The following ESYT2 variants were observed in gnomAD, a reference collection of about 807,000 sequenced individuals.
ESYT2 encodes the protein extended synaptotagmin 2.
A neutral mutation model predicts 107.2 loss-of-function variants in ESYT2; 54 were observed. The ratio of observed to expected loss-of-function variants is 0.50; its 90% CI spans 0.40 to 0.63. The LOEUF is 0.63. Among genes scored for constraint, ESYT2 ranks in the 30% least tolerant of loss-of-function variants. The pLI, the probability that ESYT2 is intolerant of heterozygous loss-of-function variation, is 0.00. For synonymous variants in ESYT2, 491 were observed against 434.1 expected (o/e 1.13, Z -1.63); for missense variants, 1,020 against 1,094.5 (o/e 0.93, Z 0.96).
rs1836902490 is a variant in ESYT2 at position 158,735,521 on chromosome 7, G to A, written c.2487C>T (p.Asp829=). The change falls in exon 21 of 23, where the codon GAC becomes GAT. Residue 829 remains aspartate (D), a synonymous_variant. Coordinates refer to ENST00000275418, the MANE Select transcript of ESYT2 (RefSeq NM_001367773.1). ...VKNSGGFLSK[D]KGLLGKVLVA... ...CACTTACTTTGCCAAGGAGCCCTTT[G>A]TCTTTGGACAGGAAGCCGCCACTGT... The A allele has an allele frequency of 6.2e-7, 1 of 1,613,968 alleles. No individual in the cohort carries two copies. Among genetic ancestry groups the A allele is most frequent in the African/African-American group, 1.3e-5 (1 of 74,936 alleles).
intron 1 of ESYT2, among the ~76,000 whole-genome samples, chr7:158,804,487 G>A (rs1839759872): frequency 6.7e-6 from 1 of 148,874 alleles, no homozygotes; most frequent in Admixed American, 6.7e-5. Context: ...AGAAGGGTGA[G>A]GCGCGTGACA....
intron 3 of ESYT2, among the ~76,000 whole-genome samples, chr7:158,796,358 T>C (rs7790873): frequency 0.13 from 19,400 of 152,244 alleles, 1,394 homozygotes; most frequent in African/African-American, 0.2. Flanking sequence ...TTCCTTTTTA[T>C]ATAATGTGAC....
At chr7:158,737,272 A>ATGTT in intron 19 of ESYT2, 93 bp from the exon 20 acceptor site, 1 of 1,459,778 alleles carries the variant, frequency 6.9e-7, no homozygotes, top group Non-Finnish European at 9.2e-7. Flanking sequence ...CTTTGATTTC[A>ATGTT]TGTTTATCTA....
intron 3 of ESYT2, among the ~76,000 whole-genome samples, chr7:158,796,192 C>A (rs1839452890): frequency 6.6e-6 from 1 of 152,224 alleles, no homozygotes; most frequent in Non-Finnish European, 1.5e-5. Flanking sequence ...TTTACAAGAA[C>A]TATCACGTTC....
intron 1 of ESYT2, among the ~76,000 whole-genome samples, chr7:158,803,463 A>G (rs1374625188): frequency 1.3e-5 from 2 of 152,226 alleles, no homozygotes; most frequent in East Asian, 3.8e-4. Context: ...ACACACCCTT[A>G]CTTGGAAGCA....
At chr7:158,744,558 C>T (rs907518315) in intron 16 of ESYT2, among the ~76,000 whole-genome samples, 1 of 152,176 alleles carries the variant, frequency 6.6e-6, no homozygotes, top group Non-Finnish European at 1.5e-5. Context: ...AGAGGTGGAT[C>T]TCACTATGTT....
chr7:158,763,801 G>A (rs1838060142), intron 9 of ESYT2, among the ~76,000 whole-genome samples: 1 of 152,118 alleles, frequency 6.6e-6, no homozygotes, highest in South Asian at 2.1e-4. Context: ...GCATGAGACA[G>A]ACCAAAGATC....
chr7:158,762,676 A>G (rs953123037), intron 10 of ESYT2, among the ~76,000 whole-genome samples: 1 of 152,246 alleles, frequency 6.6e-6, no homozygotes, highest in Non-Finnish European at 1.5e-5. Context: ...TATCCTGACA[A>G]AAATTAATCC....
At chr7:158,820,073 C>A (rs377580060) in intron 1 of ESYT2, among the ~76,000 whole-genome samples, 1 of 152,184 alleles carries the variant, frequency 6.6e-6, no homozygotes, top group African/African-American at 2.4e-5. Context: ...CTAGACACTG[C>A]CGTAATCCAT....
intron 11 of ESYT2, among the ~76,000 whole-genome samples, chr7:158,760,499 G>A (rs2129472103): frequency 6.6e-6 from 1 of 152,168 alleles, no homozygotes; most frequent in African/African-American, 2.4e-5. Context: ...AGTCTTCTAT[G>A]AATAGACTTC....
intron 7 of ESYT2, among the ~76,000 whole-genome samples, chr7:158,771,904 A>C (rs1290741365): frequency 6.6e-6 from 1 of 152,140 alleles, no homozygotes; most frequent in Non-Finnish European, 1.5e-5. Context: ...AGATCACCTG[A>C]GCTCAGGAGT....
chr7:158,798,150 C>T, intron 2 of ESYT2, 74 bp from the exon 3 acceptor site: 2 of 1,525,700 alleles, frequency 1.3e-6, no homozygotes, highest in Non-Finnish European at 1.8e-6. Flanking sequence ...TCGTGAGAAA[C>T]CCTCGCAACA....
At chr7:158,810,717 A>G (rs1191720014) in intron 1 of ESYT2, among the ~76,000 whole-genome samples, 1 of 151,912 alleles carries the variant, frequency 6.6e-6, no homozygotes, top group Non-Finnish European at 1.5e-5. Flanking sequence ...TAAAGACTAC[A>G]TGTTATAATA....
At chr7:158,760,894 C>G (rs1345739876) in intron 11 of ESYT2, among the ~76,000 whole-genome samples, 1 of 152,212 alleles carries the variant, frequency 6.6e-6, no homozygotes, top group Non-Finnish European at 1.5e-5. Flanking sequence ...GCTGAACACT[C>G]AAGGGAAGGA....
chr7:158,741,393 A>G (rs1368659985), intron 18 of ESYT2, 130 bp downstream of exon 18: 1 of 1,350,206 alleles, frequency 7.4e-7, no homozygotes, highest in Non-Finnish European at 9.9e-7. Flanking sequence ...CTTTCAGTTA[A>G]CCTAAGATTA....
At chr7:158,810,219 G>A (rs1462178191) in intron 1 of ESYT2, among the ~76,000 whole-genome samples, 5 of 152,252 alleles carry the variant, frequency 3.3e-5, no homozygotes, top group African/African-American at 1.2e-4. Context: ...ACAAAAACCT[G>A]TACATGAATG....
At chr7:158,744,892 G>C (rs778349651) in intron 16 of ESYT2, among the ~76,000 whole-genome samples, 1 of 152,140 alleles carries the variant, frequency 6.6e-6, no homozygotes, top group Admixed American at 6.5e-5. Context: ...AGTTTTAAAT[G>C]AAATAACTAT....
At position 158,788,332 on chromosome 7, in the gene ESYT2, AC is replaced by A. The variant is rs1385891757; in HGVS notation, c.657+12del. 6 of 1,593,988 alleles carry A rather than the reference AC, an allele frequency of 3.8e-6. No individual in the cohort carries two copies. Among genetic ancestry groups the A allele is most frequent in the African/African-American group, 1.4e-5 (1 of 73,468 alleles). ...AAAACTGTCAAATTAAAACAAAAAAACAAAAAACTTACCTGGATACTTTTCA... is the reference window on the plus strand; with the variant it reads ...AAAACTGTCAAATTAAAACAAAAAAAAAAAAACTTACCTGGATACTTTTCA... On this transcript the variant is annotated intron_variant, in intron 5 of 22. Transcript: ENST00000275418.
intron 1 of ESYT2, among the ~76,000 whole-genome samples, chr7:158,826,486 A>G (rs1840449060): frequency 6.6e-6 from 1 of 152,096 alleles, no homozygotes; most frequent in African/African-American, 2.4e-5. Flanking sequence ...TAAAAACTTG[A>G]AAAGAATCTT....
Sources: allele counts gnomAD v4.1 joint callset (sites outside exome capture counted in the v4.1 genomes callset), GRCh38; gene constraint gnomAD v4.1.1; transcripts MANE v1.5; gene names NCBI Gene and HGNC (gene_info 2026-07-23, HGNC 2026-07-21).